Variants in GRM7 observed in about 807,000 individuals in gnomAD.
GRM7 encodes the protein glutamate metabotropic receptor 7, also known as metabotropic glutamate receptor 7.
GRM7 carries 35 observed loss-of-function variants against 84.5 expected under a neutral mutation model. The observed-to-expected ratio is 0.41, with a 90% CI of 0.32 to 0.55. GRM7 has a LOEUF of 0.55. GRM7 is among the 20% of genes least tolerant of loss of function. The pLI is 0.19. For missense variants in GRM7, 1,003 were observed against 1,194.6 expected, an observed-to-expected ratio of 0.84 and a Z score of 2.36; for synonymous variants, 487 against 455.1, an observed-to-expected ratio of 1.07 and a Z score of -0.89.
At chr3:7,233,440 G>T (rs1247949799) in intron 2 of GRM7, among the ~76,000 whole-genome samples, 3 of 152,134 alleles carry the variant, frequency 2.0e-5, no homozygotes, top group African/African-American at 7.2e-5. Context: ...TAAGAATGCA[G>T]AGATTGGTTT....
At chr3:7,161,758 TC>T (rs1459488513) in intron 2 of GRM7, among the ~76,000 whole-genome samples, 4 of 152,212 alleles carry the variant, frequency 2.6e-5, no homozygotes, top group Non-Finnish European at 5.9e-5. Flanking sequence ...CTATTCTAGA[TC>T]CTAGGGGTGA....
intron 4 of GRM7, among the ~76,000 whole-genome samples, chr3:7,367,359 T>C (rs1320844132): frequency 6.6e-6 from 1 of 151,918 alleles, no homozygotes. Context: ...GAATTCTTTT[T>C]GTTGGAGGGT....
intron 1 of GRM7, among the ~76,000 whole-genome samples, chr3:6,899,520 A>G (rs1346198778): frequency 1.3e-5 from 2 of 152,204 alleles, no homozygotes; most frequent in Non-Finnish European, 2.9e-5. Flanking sequence ...AAGGAGAGGC[A>G]GGAAAAGGTG....
chr3:7,334,962 G>T (rs555876856), intron 4 of GRM7, among the ~76,000 whole-genome samples: 3 of 152,192 alleles, frequency 2.0e-5, no homozygotes, highest in South Asian at 4.1e-4. Flanking sequence ...CACATTAATT[G>T]TGGGGGACTT....
intron 7 of GRM7, among the ~76,000 whole-genome samples, chr3:7,528,832 G>A (rs114809894): frequency 0.011 from 1,679 of 152,040 alleles, 16 homozygotes; most frequent in Middle Eastern, 0.027. Flanking sequence ...TTTTGAGAGT[G>A]CCTTTTGGTA....
In GRM7 at chr3:7,202,898, C is replaced by T. The variant is rs559014349; in HGVS notation, c.736+56230C>T. On this transcript the variant is annotated intron_variant, in intron 2 of 9. Transcript: ENST00000357716. Reference sequence around the variant, plus strand: ...CCCACCAGCATTTTTCAAAATGATTCTTACTGAAGTCTTCTTTCAAAATGT... The same window carrying T: ...CCCACCAGCATTTTTCAAAATGATTTTTACTGAAGTCTTCTTTCAAAATGT... Among the ~76,000 whole-genome samples, 317 of 152,290 alleles carry T rather than the reference C, an allele frequency of 2.1e-3. 1 individual carries two copies. Among genetic ancestry groups the T allele is most frequent in the African/African-American group, 7.2e-3 (299 of 41,562 alleles).
chr3:7,708,231 C>T (rs895634846), intron 9 of GRM7, among the ~76,000 whole-genome samples: 3 of 151,504 alleles, frequency 2.0e-5, no homozygotes, highest in Admixed American at 6.6e-5. Context: ...TTTTTGAACA[C>T]GTGCTTTCAT....
chr3:6,868,154 A>T (rs1213343199), intron 1 of GRM7, among the ~76,000 whole-genome samples: 2 of 152,164 alleles, frequency 1.3e-5, no homozygotes, highest in African/African-American at 4.8e-5. Flanking sequence ...ACATATTCTC[A>T]TCCCATTGTT....
intron 9 of GRM7, among the ~76,000 whole-genome samples, chr3:7,721,100 C>A (rs1701931062): frequency 6.6e-6 from 1 of 152,186 alleles, no homozygotes; most frequent in Admixed American, 6.5e-5. Flanking sequence ...AGTGTTTGTA[C>A]TGTTTATTGC....
intron 1 of GRM7, among the ~76,000 whole-genome samples, chr3:6,991,690 G>C (rs939225827): frequency 1.3e-5 from 2 of 152,126 alleles, no homozygotes; most frequent in African/African-American, 4.8e-5. Context: ...GTGCTGATTT[G>C]ATATAAATAT....
chr3:7,665,984 A>T (rs1699683459), intron 8 of GRM7, among the ~76,000 whole-genome samples: 2 of 152,204 alleles, frequency 1.3e-5, no homozygotes, highest in South Asian at 4.1e-4. Context: ...CATTTTTGAT[A>T]GGTGTTCCCC....
chr3:7,309,241 A>G (rs554968044), intron 4 of GRM7, among the ~76,000 whole-genome samples: 2 of 152,344 alleles, frequency 1.3e-5, no homozygotes, highest in Admixed American at 1.3e-4. Context: ...TGTCACTTCT[A>G]TGAAAGTTAA....
intron 4 of GRM7, among the ~76,000 whole-genome samples, chr3:7,377,511 G>C (rs9883277): frequency 0.29 from 43,811 of 152,102 alleles, 6,791 homozygotes; most frequent in East Asian, 0.52. Context: ...GGTGATGGAG[G>C]TGGGAAGGAA....
intron 9 of GRM7, among the ~76,000 whole-genome samples, chr3:7,684,550 C>A (rs1194339836): frequency 6.6e-6 from 1 of 152,208 alleles, no homozygotes; most frequent in East Asian, 1.9e-4. Context: ...CAACTCCACA[C>A]TGCAGCTACA....
intron 2 of GRM7, among the ~76,000 whole-genome samples, chr3:7,214,038 A>G (rs1408312989): frequency 6.6e-6 from 1 of 152,152 alleles, no homozygotes; most frequent in Non-Finnish European, 1.5e-5. Context: ...TACTACTTGA[A>G]AAAGATACGT....
At chr3:7,652,599 T>C (rs1199498401) in intron 8 of GRM7, among the ~76,000 whole-genome samples, 1 of 152,154 alleles carries the variant, frequency 6.6e-6, no homozygotes, top group East Asian at 1.9e-4. Flanking sequence ...AAATCCTCAG[T>C]GCTGAACCTA....
intron 2 of GRM7, among the ~76,000 whole-genome samples, chr3:7,248,833 T>C (rs1264090363): frequency 4.6e-5 from 7 of 152,148 alleles, no homozygotes; most frequent in Admixed American, 2.6e-4. Context: ...CAGTGTGTGG[T>C]ACCTGGGCAA....
At position 7,469,157 on chromosome 3, in the gene GRM7, T is replaced by C. The variant is rs1194325188; in HGVS notation, c.1515+7435T>C. On this transcript the variant is annotated intron_variant, in intron 7 of 9. Transcript: ENST00000357716. ...TACTTAAGGACAGGGACTAGGTCAT[T>C]GTTGACTTAGCGTCCCAGTGCCTAT... 2.0e-5 allele frequency among the ~76,000 whole-genome samples: 3 copies of C among 152,188 alleles called. No individual in the cohort carries two copies. The East Asian group carries it at 5.8e-4, about 29-fold the overall frequency.
intron 4 of GRM7, among the ~76,000 whole-genome samples, chr3:7,407,438 A>G (rs897573557): frequency 6.6e-6 from 1 of 152,182 alleles, no homozygotes; most frequent in South Asian, 2.1e-4. Context: ...AGAGGCTTTC[A>G]AGGGTAGAGG....
Sources: gnomAD v4.1 joint callset for allele counts (sites outside exome capture counted in the v4.1 genomes callset) on GRCh38, gnomAD v4.1.1 for gene constraint, MANE v1.5 for transcripts, NCBI Gene and HGNC (gene_info 2026-07-23, HGNC 2026-07-21) for gene names.